The following CSMD1 variants were observed in gnomAD, a reference collection of about 807,000 sequenced individuals.
CSMD1 encodes the protein CUB and sushi domain-containing protein 1.
In CSMD1, 213 loss-of-function variants were observed where a neutral mutation model predicts 417.5. That is an observed-to-expected ratio of 0.51 (90% CI 0.46 to 0.57). The LOEUF is 0.57. Ranked by LOEUF, CSMD1 falls within the 20% of genes least tolerant of loss-of-function variation. CSMD1 has a pLI of 0.00. For synonymous variants in CSMD1, 2,862 were observed against 1,736.8 expected (o/e 1.65, Z -16.11); for missense variants, 6,923 against 4,529.7 (o/e 1.53, Z -15.17).
intron 8 of CSMD1, among the ~76,000 whole-genome samples, chr8:3,601,912 G>A (rs1212909555): frequency 6.6e-6 from 1 of 152,116 alleles, no homozygotes; most frequent in Non-Finnish European, 1.5e-5. Flanking sequence ...GAGAGAGAGA[G>A]GGTTATAGCA....
intron 3 of CSMD1, among the ~76,000 whole-genome samples, chr8:4,393,541 A>G (rs2128924843): frequency 6.6e-6 from 1 of 152,356 alleles, no homozygotes; most frequent in East Asian, 1.9e-4. Context: ...TCACTTGGCA[A>G]CAGCTAGATA....
chr8:4,340,266 C>A (rs1800400102), intron 3 of CSMD1, among the ~76,000 whole-genome samples: 1 of 152,080 alleles, frequency 6.6e-6, no homozygotes. Context: ...GAAGATTTGT[C>A]CTTTTTCCTT....
At chr8:3,684,996 T>C (rs1217847037) in intron 7 of CSMD1, among the ~76,000 whole-genome samples, 2 of 152,156 alleles carry the variant, frequency 1.3e-5, no homozygotes, top group Non-Finnish European at 2.9e-5. Flanking sequence ...GGAATCAATA[T>C]TTTTGGACTG....
At chr8:3,840,523 G>C (rs543019603) in intron 5 of CSMD1, among the ~76,000 whole-genome samples, 241 of 152,152 alleles carry the variant, frequency 1.6e-3, no homozygotes, top group African/African-American at 5.4e-3. Context: ...CAAAACGGTA[G>C]AGGAAATGCA....
Position 3,981,126 on chromosome 8 carries a change from C to T in CSMD1, c.818+16777G>A, listed in dbSNP as rs1813827041. Among the ~76,000 whole-genome samples, 8 of 152,276 alleles carry T rather than the reference C, an allele frequency of 5.3e-5. No individual in the cohort carries two copies. In the South Asian group the frequency reaches 1.2e-3, roughly 24 times the overall value. ...AATGCATGCTGAAATGTCAGGAGTC[C>T]TCCAGATGGAAAACAGTGATAGTTA... On this transcript the variant is annotated intron_variant, in intron 5 of 69. Transcript: ENST00000635120.
At chr8:3,572,316 C>G (rs903099150) in intron 10 of CSMD1, among the ~76,000 whole-genome samples, 4 of 152,096 alleles carry the variant, frequency 2.6e-5, no homozygotes, top group Admixed American at 2.0e-4. Context: ...CTTCAGGGAG[C>G]AGTTGAGGGA....
At position 4,983,091 on chromosome 8, in the gene CSMD1, C is replaced by G. The variant is rs551271033; in HGVS notation, c.85+11241G>C. 9.2e-5 allele frequency among the ~76,000 whole-genome samples: 14 copies of G among 152,290 alleles called. No homozygotes were observed. In the East Asian group the frequency reaches 2.7e-3, roughly 29 times the overall value. ...ATGCAAACATCTCAGATAACTTACT[C>G]AGTATACAAAGAAAAACAGTCAAGA... On this transcript the variant is annotated intron_variant, in intron 1 of 69. Coordinates refer to ENST00000635120, the MANE Select transcript of CSMD1 (RefSeq NM_033225.6).
chr8:4,524,636 A>G (rs1796419690), intron 2 of CSMD1, among the ~76,000 whole-genome samples: 1 of 142,110 alleles, frequency 7.0e-6, no homozygotes, highest in South Asian at 2.2e-4. Flanking sequence ...TTTATTACAT[A>G]TAGTGAGTCA....
Position 3,346,705 on chromosome 8 carries a change from C to T in CSMD1, c.3474+1287G>A, listed in dbSNP as rs1808023797. On this transcript the variant is annotated intron_variant, in intron 22 of 69. Coordinates refer to ENST00000635120, the MANE Select transcript of CSMD1 (RefSeq NM_033225.6). ...AGCCCGGCGGGGGCTCCATTCCAGC[C>T]ATTCTGTAAAGGGAGGACACACAGT... 1.3e-5 allele frequency among the ~76,000 whole-genome samples: 2 copies of T among 152,194 alleles called. 1 individual carries two copies. Among genetic ancestry groups the T allele is most frequent in the Non-Finnish European group, 2.9e-5 (2 of 68,036 alleles).
intron 3 of CSMD1, among the ~76,000 whole-genome samples, chr8:4,117,185 G>A (rs915263915): frequency 6.6e-6 from 1 of 151,786 alleles, no homozygotes; most frequent in South Asian, 2.1e-4. Context: ...TATTCATCTC[G>A]ATGGTTGCTG....
intron 37 of CSMD1, among the ~76,000 whole-genome samples, chr8:3,180,805 T>A (rs1304046042): frequency 6.6e-6 from 1 of 152,022 alleles, no homozygotes; most frequent in South Asian, 2.1e-4. Context: ...AATTTTTTTT[T>A]GTATTATTAT....
intron 1 of CSMD1, among the ~76,000 whole-genome samples, chr8:4,968,465 C>G (rs560345319): frequency 2.0e-5 from 3 of 152,200 alleles, no homozygotes; most frequent in South Asian, 2.1e-4. Flanking sequence ...CTGCAAAGAC[C>G]TCTACTGCAT....
intron 5 of CSMD1, among the ~76,000 whole-genome samples, chr8:3,988,901 C>G (rs916910782): frequency 6.6e-6 from 1 of 152,072 alleles, no homozygotes; most frequent in Admixed American, 6.5e-5. Flanking sequence ...AAAGTAAGAT[C>G]AATGTTTTAA....
intron 1 of CSMD1, among the ~76,000 whole-genome samples, chr8:4,861,551 C>T (rs192086124): frequency 7.9e-5 from 12 of 152,032 alleles, no homozygotes; most frequent in East Asian, 3.9e-4. Flanking sequence ...GTGGATGTTA[C>T]GAAGAAAAAT....
chr8:4,749,709 TTCATTGCAATA>T (rs1811181294), intron 1 of CSMD1, among the ~76,000 whole-genome samples: 2 of 152,138 alleles, frequency 1.3e-5, no homozygotes, highest in African/African-American at 4.8e-5. Context: ...ACTTAAGAAA[TTCATTGCAATA>T]ATTTTAATAA....
chr8:3,694,775 C>G (rs978525738), intron 7 of CSMD1, among the ~76,000 whole-genome samples: 2 of 151,546 alleles, frequency 1.3e-5, no homozygotes, highest in African/African-American at 2.4e-5. Flanking sequence ...GTGGAAAGAG[C>G]GGTCCAAGCA....
At chr8:3,642,785 G>C (rs146540124) in intron 7 of CSMD1, among the ~76,000 whole-genome samples, 1 of 152,030 alleles carries the variant, frequency 6.6e-6, no homozygotes, top group Non-Finnish European at 1.5e-5. Context: ...TTCATGCAGA[G>C]TATGTATATG....
chr8:3,239,664 A>G (rs1202498056), intron 26 of CSMD1, among the ~76,000 whole-genome samples: 1 of 152,224 alleles, frequency 6.6e-6, no homozygotes, highest in African/African-American at 2.4e-5. Context: ...TGGAAAGGAA[A>G]TGAGAGGTTC....
At chr8:4,529,598 T>C (rs898081890) in intron 2 of CSMD1, among the ~76,000 whole-genome samples, 5 of 152,146 alleles carry the variant, frequency 3.3e-5, no homozygotes, top group African/African-American at 1.2e-4. Context: ...GGGGGCAGTG[T>C]TGCCAGATTT....
Sources: allele counts gnomAD v4.1 joint callset (sites outside exome capture counted in the v4.1 genomes callset), GRCh38; gene constraint gnomAD v4.1.1; transcripts MANE v1.5; gene names NCBI Gene and HGNC (gene_info 2026-07-23, HGNC 2026-07-21).